The following MAN1A2 variants were observed in gnomAD, a reference collection of about 807,000 sequenced individuals.
MAN1A2 encodes the protein mannosyl-oligosaccharide 1,2-alpha-mannosidase IB.
Under a neutral mutation model 75.7 loss-of-function variants are expected in MAN1A2, and 26 were observed. That is an observed-to-expected ratio of 0.34 (90% CI 0.25 to 0.48). MAN1A2 has a LOEUF of 0.48. Among genes scored for constraint, MAN1A2 ranks in the 20% least tolerant of loss-of-function variants. MAN1A2 has a pLI of 0.99. For missense variants in MAN1A2, 562 were observed against 775.5 expected (o/e 0.72, Z 3.27); for synonymous variants, 247 against 264.6 (o/e 0.93, Z 0.65).
intron 5 of MAN1A2, among the ~76,000 whole-genome samples, chr1:117,425,652 T>C (rs1363864009): frequency 6.6e-6 from 1 of 152,190 alleles, no homozygotes; most frequent in African/African-American, 2.4e-5. Flanking sequence ...GTAACGTCTA[T>C]TCATGATAAC....
At chr1:117,447,388 T>C (rs1649269811) in intron 6 of MAN1A2, among the ~76,000 whole-genome samples, 1 of 152,130 alleles carries the variant, frequency 6.6e-6, no homozygotes, top group Admixed American at 6.5e-5. Flanking sequence ...TAGATTTTAA[T>C]ATTATCAAAA....
intron 8 of MAN1A2, among the ~76,000 whole-genome samples, chr1:117,483,336 G>A (rs1650560683): frequency 3.9e-5 from 6 of 152,070 alleles, no homozygotes. Context: ...GGGCAATATG[G>A]CCATTTTCAT....
In MAN1A2 at chr1:117,499,573, C is replaced by A; in HGVS notation, c.1677+19C>A. The A allele has an allele frequency of 6.3e-7, 1 of 1,578,102 alleles. No homozygotes were observed. Among genetic ancestry groups the A allele is most frequent in the Non-Finnish European group, 8.6e-7 (1 of 1,162,208 alleles). ...AGCACTGGTAAATAAGCCAATATTC[C>A]ATTTTATCTGCAAGAGTGTTAACTC... On this transcript the variant is annotated intron_variant, in intron 11 of 12. Transcript: ENST00000356554.
intron 3 of MAN1A2, 66 bp from the exon 4 acceptor site, chr1:117,414,646 TC>T (rs1557940181): frequency 4.0e-6 from 3 of 757,930 alleles, no homozygotes; most frequent in African/African-American, 1.7e-5. Flanking sequence ...ATCTTTTTTT[TC>T]CCCCCAAAGA....
chr1:117,447,539 A>C (rs1649274771), intron 6 of MAN1A2, among the ~76,000 whole-genome samples: 1 of 152,128 alleles, frequency 6.6e-6, no homozygotes, highest in Non-Finnish European at 1.5e-5. Context: ...ACTGTCTTCT[A>C]GAGAGGATAT....
rs141551149 is a variant in MAN1A2, at chr1:117,415,161, C to T, written c.774+330C>T. Among the ~76,000 whole-genome samples, 571 of 152,158 alleles carry T rather than the reference C, an allele frequency of 3.8e-3. 3 individuals are homozygous for T. Among genetic ancestry groups the T allele is most frequent in the African/African-American group, 0.013 (546 of 41,520 alleles). On this transcript the variant is annotated intron_variant, in intron 4 of 12. Coordinates refer to ENST00000356554, the MANE Select transcript of MAN1A2 (RefSeq NM_006699.5). ...GGTTTGGCATAGTTGTTAAGTCACA[C>T]GCCCAGCACAGTTGCATTCTTGGTG...
chr1:117,450,797 T>C (rs1015355218), intron 6 of MAN1A2, among the ~76,000 whole-genome samples: 19 of 152,132 alleles, frequency 1.2e-4, no homozygotes, highest in Non-Finnish European at 2.4e-4. Flanking sequence ...AAGTCAAGAA[T>C]TGGGGTTTGG....
chr1:117,444,295 CT>C (rs149554466), intron 6 of MAN1A2, among the ~76,000 whole-genome samples: 17,581 of 151,758 alleles, frequency 0.12, 1,074 homozygotes, highest in Non-Finnish European at 0.14. Flanking sequence ...ACAAACATTG[CT>C]ACAATAGCAT....
intron 8 of MAN1A2, among the ~76,000 whole-genome samples, chr1:117,487,799 C>A (rs1404273526): frequency 6.6e-6 from 1 of 152,018 alleles, no homozygotes; most frequent in African/African-American, 2.4e-5. Flanking sequence ...GTATAAGGGA[C>A]TCTCCCTATC....
chr1:117,448,307 C>G (rs1394875661), intron 6 of MAN1A2, among the ~76,000 whole-genome samples: 4 of 152,138 alleles, frequency 2.6e-5, no homozygotes, highest in Non-Finnish European at 2.9e-5. Flanking sequence ...TTTATAATAT[C>G]CGTAATCCAA....
intron 5 of MAN1A2, among the ~76,000 whole-genome samples, chr1:117,421,717 T>C (rs1262776305): frequency 6.6e-6 from 1 of 152,058 alleles, no homozygotes. Context: ...TGTCAAATTA[T>C]ATTGTGTGAT....
intron 8 of MAN1A2, among the ~76,000 whole-genome samples, chr1:117,476,050 C>T (rs77053313): frequency 0.14 from 20,989 of 151,970 alleles, 1,660 homozygotes; most frequent in Admixed American, 0.22. Context: ...TTTTAATGAT[C>T]GTCTTTCTAA....
intron 11 of MAN1A2, 61 bp from the exon 12 acceptor site, chr1:117,502,794 T>C: frequency 1.2e-6 from 1 of 836,204 alleles, no homozygotes; most frequent in Middle Eastern, 2.2e-4. Context: ...TTCAAAGTTT[T>C]GTTGTCCTTC....
chr1:117,403,265 G>A (rs1460317950), intron 2 of MAN1A2, among the ~76,000 whole-genome samples: 4 of 152,178 alleles, frequency 2.6e-5, no homozygotes, highest in African/African-American at 9.7e-5. Flanking sequence ...GGAAGGTATA[G>A]CAGATACTTT....
At chr1:117,381,154 G>A (rs951491508) in intron 1 of MAN1A2, among the ~76,000 whole-genome samples, 9 of 151,356 alleles carry the variant, frequency 5.9e-5, no homozygotes, top group African/African-American at 1.9e-4. Flanking sequence ...TTTCTTTTTT[G>A]GTTTTTAAAT....
Position 117,402,398 on chromosome 1 carries a change from C to T in MAN1A2, c.515C>T (p.Pro172Leu). ...PNLVGIRGGD[P>L]EDNDIREKRE... ...CTTGTAGGAATACGTGGTGGAGACC[C>T]AGAAGATAATGACATAAGAGAGAAA... Residue 172 changes from proline to leucine, a missense_variant, in exon 2 of 13, where the codon CCA becomes CTA. Physicochemically the swap from Pro to Leu is moderately conservative, Grantham distance 98. Transcript: ENST00000356554. 1 of 1,610,308 alleles carries T rather than the reference C, an allele frequency of 6.2e-7. No individual in the cohort carries two copies. The highest frequency in any genetic ancestry group is 8.5e-7 in the Non-Finnish European group (1 of 1,178,822).
intron 3 of MAN1A2, among the ~76,000 whole-genome samples, chr1:117,413,399 A>G (rs926734708): frequency 2.6e-5 from 4 of 151,988 alleles, no homozygotes; most frequent in Admixed American, 2.6e-4. Context: ...CTCAGTAGAA[A>G]GAGGAATGGA....
At chr1:117,495,524 TAC>T (rs1651012328) in intron 9 of MAN1A2, among the ~76,000 whole-genome samples, 1 of 151,902 alleles carries the variant, frequency 6.6e-6, no homozygotes, top group Non-Finnish European at 1.5e-5. Flanking sequence ...CCCCTATCCT[TAC>T]AGATACCCAT....
intron 12 of MAN1A2, among the ~76,000 whole-genome samples, chr1:117,514,361 CA>C (rs11335667): frequency 0.63 from 87,483 of 138,998 alleles, 27,400 homozygotes; most frequent in African/African-American, 0.72. Flanking sequence ...GACTCCATCT[CA>C]AAAAAAAAAA....
Sources: allele counts gnomAD v4.1 joint callset (sites outside exome capture counted in the v4.1 genomes callset), GRCh38; gene constraint gnomAD v4.1.1; transcripts MANE v1.5; gene names NCBI Gene and HGNC (gene_info 2026-07-23, HGNC 2026-07-21).